FAM117A: variants seen among roughly 807,000 people sequenced by gnomAD.
FAM117A encodes protein FAM117A.
Under a neutral mutation model 44.1 loss-of-function variants are expected in FAM117A, and 21 were observed. That is an observed-to-expected ratio of 0.48 (90% CI 0.34 to 0.69). The LOEUF is 0.69. Ranked by LOEUF, FAM117A falls within the 30% of genes least tolerant of loss-of-function variation. FAM117A has a pLI of 0.01. For synonymous variants in FAM117A, 220 were observed against 238.3 expected (o/e 0.92, Z 0.71); for missense variants, 498 against 589.9 (o/e 0.84, Z 1.61).
intron 1 of FAM117A, among the ~76,000 whole-genome samples, chr17:49,773,803 G>A (rs2073768315): frequency 6.6e-6 from 1 of 151,952 alleles, no homozygotes; most frequent in Admixed American, 6.5e-5. Flanking sequence ...GCCCAGGCTG[G>A]AGTGTAATGG....
At chr17:49,749,434 G>A (rs561287423) in intron 1 of FAM117A, among the ~76,000 whole-genome samples, 38 of 151,668 alleles carry the variant, frequency 2.5e-4, no homozygotes, top group African/African-American at 8.2e-4. Context: ...AAAATTAGCC[G>A]GGCATGGTGG....
chr17:49,752,381 G>A (rs1390961079), intron 1 of FAM117A, among the ~76,000 whole-genome samples: 1 of 152,178 alleles, frequency 6.6e-6, no homozygotes, highest in Non-Finnish European at 1.5e-5. Flanking sequence ...CCCACTAGAA[G>A]TAGGGGGATG....
chr17:49,775,826 G>A (rs79858059), intron 1 of FAM117A, among the ~76,000 whole-genome samples: 5,139 of 152,238 alleles, frequency 0.034, 115 homozygotes, highest in Non-Finnish European at 0.05. Flanking sequence ...ACCTTCCCTG[G>A]AAGTCCCACC....
At position 49,776,538 on chromosome 17, in the gene FAM117A, T is replaced by G. The variant is rs533204675; in HGVS notation, c.-621+11959A>C. Among the ~76,000 whole-genome samples, 3 of 152,302 alleles carry G rather than the reference T, an allele frequency of 2.0e-5. No homozygotes were observed. The South Asian group carries it at 6.2e-4, about 32-fold the overall frequency. The stretch of plus-strand genomic sequence containing the variant: ...TCTAGAGGTTTCTAGCTGCTCCTGG[T>G]ATAGGAGTTGAACTATTCTGCGAAA... On this transcript the variant is annotated intron_variant, in intron 1 of 7. Transcript: ENST00000513602.
At chr17:49,764,438 C>G (rs935505199), upstream of FAM117A, among the ~76,000 whole-genome samples, 8 of 151,694 alleles carry the variant, frequency 5.3e-5, no homozygotes, top group Admixed American at 4.0e-4. Context: ...CACACCCAGT[C>G]CCAGGTAGTA....
At chr17:49,788,566 C>A (rs998121767) in exon 1 of FAM117A, 1 of 403,242 alleles carries the variant, frequency 2.5e-6, no homozygotes, top group Non-Finnish European at 4.4e-6. Context: ...AAATGGCGCC[C>A]ACTAGCTTCA....
intron 1 of FAM117A, among the ~76,000 whole-genome samples, chr17:49,788,014 G>A (rs983205999): frequency 1.3e-5 from 2 of 152,154 alleles, no homozygotes; most frequent in Non-Finnish European, 1.5e-5. Flanking sequence ...GTGCGGTTAG[G>A]AAGTGGGCAC....
intron 1 of FAM117A, among the ~76,000 whole-genome samples, chr17:49,746,666 T>A (rs984329437): frequency 1.3e-5 from 2 of 152,196 alleles, no homozygotes; most frequent in Non-Finnish European, 2.9e-5. Flanking sequence ...ACCTCAGATA[T>A]ACACAGCCAA....
chr17:49,761,875 T>C (rs1170564240), intron 1 of FAM117A, among the ~76,000 whole-genome samples: 1 of 152,222 alleles, frequency 6.6e-6, no homozygotes, highest in Non-Finnish European at 1.5e-5. Context: ...AATCTACAGA[T>C]AATCCCCCCA....
chr17:49,769,879 G>A (rs921232673), intron 1 of FAM117A, among the ~76,000 whole-genome samples: 1 of 152,064 alleles, frequency 6.6e-6, no homozygotes, highest in African/African-American at 2.4e-5. Context: ...CCCAGACAAG[G>A]GGAGGACTTG....
chr17:49,764,487 G>C (rs1009057422), upstream of FAM117A, among the ~76,000 whole-genome samples: 2 of 152,166 alleles, frequency 1.3e-5, no homozygotes, highest in African/African-American at 4.8e-5. Flanking sequence ...CTGAGCTGGA[G>C]AGTGGGCGCG....
At chr17:49,749,706 T>C (rs1028792928) in intron 1 of FAM117A, among the ~76,000 whole-genome samples, 1 of 147,870 alleles carries the variant, frequency 6.8e-6, no homozygotes, top group Non-Finnish European at 1.5e-5. Flanking sequence ...TGCTTCAGCA[T>C]ATATATAGCT....
chr17:49,757,521 A>T (rs1278630615), intron 1 of FAM117A, among the ~76,000 whole-genome samples: 2 of 152,042 alleles, frequency 1.3e-5, no homozygotes, highest in Non-Finnish European at 2.9e-5. Context: ...AGTTTTCCAA[A>T]CCAGGAGGTT....
chr17:49,777,474 G>A (rs1598039027), intron 1 of FAM117A, among the ~76,000 whole-genome samples: 1 of 152,158 alleles, frequency 6.6e-6, no homozygotes. Flanking sequence ...GCTGGAATGA[G>A]GTTAATGGAC....
chr17:49,734,628 T>C (rs1221438535), intron 1 of FAM117A, among the ~76,000 whole-genome samples: 1 of 151,414 alleles, frequency 6.6e-6, no homozygotes, highest in Non-Finnish European at 1.5e-5. Flanking sequence ...TTAAAAAAAA[T>C]AAAAAGACAC....
chr17:49,776,263 T>C (rs1016270063), intron 1 of FAM117A, among the ~76,000 whole-genome samples: 11 of 152,144 alleles, frequency 7.2e-5, no homozygotes, highest in Admixed American at 6.5e-5. Flanking sequence ...GGTGAGGAAG[T>C]TGAAGCACAG....
In FAM117A at chr17:49,717,612, G is replaced by C. The variant is rs968127394; in HGVS notation, c.811C>G (p.Pro271Ala). ...TGGGGAGATGCCAAGGACATGGAAG[G>C]AGAGCTGGCAAGGTTGCCAGGCTCC... ...LLEPGNLASSPSMSLASPQPC... is the reference protein window; with the variant it reads ...LLEPGNLASSASMSLASPQPC... Residue 271 changes from proline to alanine, a missense_variant, in exon 6 of 8, where the codon CCT (proline) becomes GCT (alanine). This residue lies in a region of FAM117A where 224 missense variants were observed against 296.5 expected (regional missense o/e 0.76). Coordinates refer to ENST00000240364, the MANE Select transcript of FAM117A (RefSeq NM_030802.4). The C allele has an allele frequency of 1.9e-6, 3 of 1,614,202 alleles. No individual in the cohort carries two copies. The highest frequency in any genetic ancestry group is 1.1e-5 in the South Asian group (1 of 91,082).
At chr17:49,750,653 T>A (rs1050532643) in intron 1 of FAM117A, among the ~76,000 whole-genome samples, 1 of 152,230 alleles carries the variant, frequency 6.6e-6, no homozygotes, top group Non-Finnish European at 1.5e-5. Context: ...GGCAGGCACC[T>A]GTAATTCAGC....
At chr17:49,761,659 C>A (rs1034916839) in intron 1 of FAM117A, among the ~76,000 whole-genome samples, 5 of 152,198 alleles carry the variant, frequency 3.3e-5, no homozygotes, top group African/African-American at 1.2e-4. Context: ...CAAGGGGTTT[C>A]CTTTTATCCC....
Sources: allele counts gnomAD v4.1 joint callset (sites outside exome capture counted in the v4.1 genomes callset), GRCh38; gene constraint gnomAD v4.1.1; regional missense constraint gnomAD v4.1.1; transcripts MANE v1.5; gene names NCBI Gene and HGNC (gene_info 2026-07-23, HGNC 2026-07-21).